Variants in NUP107 observed in about 807,000 individuals in gnomAD.
NUP107 encodes nuclear pore complex protein Nup107.
A neutral mutation model predicts 141.0 loss-of-function variants in NUP107; 101 were observed. The ratio of observed to expected loss-of-function variants is 0.72; its 90% confidence interval spans 0.61 to 0.84. The LOEUF is 0.84. NUP107 is among the 40% of genes least tolerant of loss of function. The pLI, the probability that NUP107 is intolerant of heterozygous loss-of-function variation, is 0.00. For missense variants in NUP107, 941 were observed against 1,102.7 expected (o/e 0.85, Z 2.08); for synonymous variants, 319 against 363.9 (o/e 0.88, Z 1.41).
chr12:68,736,697 A>G (rs75782210), intron 26 of NUP107, among the ~76,000 whole-genome samples: 29,735 of 146,674 alleles, frequency 0.2, 3,771 homozygotes, highest in South Asian at 0.48. Flanking sequence ...GATTACAGGC[A>G]TGAGTCAATG....
chr12:68,687,888 A>G (rs1410381346), intron 1 of NUP107: 1 of 158,192 alleles, frequency 6.3e-6, no homozygotes, highest in African/African-American at 2.4e-5. Context: ...AAGCTAATAA[A>G]TACAAGAACC....
At chr12:68,738,000 G>A (rs35552279) in intron 26 of NUP107, among the ~76,000 whole-genome samples, 39,884 of 151,954 alleles carry the variant, frequency 0.26, 6,164 homozygotes, top group Non-Finnish European at 0.34. Context: ...AAAATTGGCC[G>A]GGCACGGTGG....
intron 20 of NUP107, among the ~76,000 whole-genome samples, chr12:68,729,236 T>C (rs1877709603): frequency 1.3e-5 from 2 of 152,186 alleles, no homozygotes; most frequent in South Asian, 4.1e-4. Context: ...CTACTACAGT[T>C]AGTTGTATGC....
intron 26 of NUP107, among the ~76,000 whole-genome samples, chr12:68,738,224 C>A (rs889564131): frequency 1.3e-4 from 19 of 151,998 alleles, no homozygotes; most frequent in Non-Finnish European, 2.6e-4. Context: ...TGCAGTGAGC[C>A]GAGATTGCGC....
At chr12:68,698,295 A>G (rs1876168290) in intron 6 of NUP107, among the ~76,000 whole-genome samples, 1 of 152,154 alleles carries the variant, frequency 6.6e-6, no homozygotes, top group South Asian at 2.1e-4. Flanking sequence ...AAGATCCAAA[A>G]GACACCACCA....
chr12:68,727,840 C>G (rs561622696), intron 20 of NUP107, among the ~76,000 whole-genome samples: 1 of 152,192 alleles, frequency 6.6e-6, no homozygotes, highest in African/African-American at 2.4e-5. Context: ...TTGCAGATTT[C>G]ACATCCAGAT....
chr12:68,702,558 C>A (rs1876381510), intron 7 of NUP107, among the ~76,000 whole-genome samples, 178 bp from the exon 8 acceptor site: 1 of 152,110 alleles, frequency 6.6e-6, no homozygotes, highest in Non-Finnish European at 1.5e-5. Context: ...AGCCAGTGTG[C>A]CCGGCCTGTT....
chr12:68,709,705 G>C (rs924406640), intron 9 of NUP107, among the ~76,000 whole-genome samples: 1 of 151,760 alleles, frequency 6.6e-6, no homozygotes, highest in Non-Finnish European at 1.5e-5. Flanking sequence ...CTGGCTAACA[G>C]TGAAACCCCG....
At chr12:68,725,247 G>C (rs1245661543) in intron 17 of NUP107, among the ~76,000 whole-genome samples, 1 of 151,692 alleles carries the variant, frequency 6.6e-6, no homozygotes, top group Non-Finnish European at 1.5e-5. Context: ...AGTTAGAAAA[G>C]GTTTTCTCTA....
chr12:68,725,113 A>G (rs979529566), intron 17 of NUP107, among the ~76,000 whole-genome samples: 3 of 152,250 alleles, frequency 2.0e-5, no homozygotes, highest in African/African-American at 7.2e-5. Flanking sequence ...CATATAGAGC[A>G]AAGGTTTGAA....
intron 21 of NUP107, 48 bp from the exon 22 acceptor site, chr12:68,731,559 G>A (rs758731412): frequency 1.9e-6 from 2 of 1,060,356 alleles, no homozygotes; most frequent in East Asian, 2.7e-5. Flanking sequence ...GAGAATATTA[G>A]TATCAATGAT....
intron 4 of NUP107, among the ~76,000 whole-genome samples, chr12:68,691,723 A>T (rs991752352): frequency 6.6e-6 from 1 of 151,980 alleles, no homozygotes; most frequent in African/African-American, 2.4e-5. Flanking sequence ...AGTCCCAGCT[A>T]CTTGGGAGGC....
chr12:68,726,628 A>C lies in NUP107; in HGVS notation c.1695+11A>C. ...GGACTACAGACCAAGGTATATAAAA[A>C]TGAACGATTTCTTCTTCTCTGTAAT... On this transcript the variant is annotated intron_variant, in intron 19 of 27. Transcript: ENST00000229179. The C allele has an allele frequency of 6.6e-7, 1 of 1,506,840 alleles. No individual in the cohort carries two copies. Among genetic ancestry groups the C allele is most frequent in the Non-Finnish European group, 9.2e-7 (1 of 1,083,964 alleles). 93.3% of individuals were successfully genotyped at this position (1,506,840 alleles called of 1,614,324 possible). A position where few individuals can be genotyped will look rare whatever the true frequency, so the allele number is the denominator to read the frequency against.
At chr12:68,699,377 A>C (rs1876218153) in intron 6 of NUP107, among the ~76,000 whole-genome samples, 1 of 151,606 alleles carries the variant, frequency 6.6e-6, no homozygotes, top group South Asian at 2.1e-4. Context: ...CTCCGTCTCA[A>C]AATAAAATAA....
rs1176308270 is a variant in NUP107 at position 68,744,876 on chromosome 12, C to T, written c.*2414C>T. ...TTAATTTAGTTCCTCAGTGCCTACTCTTGAAGAACTGGGTTTTCATTCTAG... is the reference window on the plus strand; with the variant it reads ...TTAATTTAGTTCCTCAGTGCCTACTTTTGAAGAACTGGGTTTTCATTCTAG... On this transcript the variant is annotated 3_prime_UTR_variant, in exon 28 of 28. Transcript: ENST00000229179. The T allele has an allele frequency of 6.6e-6, 1 of 152,212 alleles. No individual in the cohort carries two copies. The highest frequency in any genetic ancestry group is 1.5e-5 in the Non-Finnish European group (1 of 68,038). The allele number at this position is 152,212 out of a possible 1,614,324, so 9.4% of individuals were successfully genotyped here. A position where few individuals can be genotyped will look rare whatever the true frequency, so the allele number is the denominator to read the frequency against.
intron 5 of NUP107, among the ~76,000 whole-genome samples, chr12:68,694,198 ATACTTTC>A (rs1875940659): frequency 6.6e-6 from 1 of 152,194 alleles, no homozygotes; most frequent in African/African-American, 2.4e-5. Context: ...GTGACTCAAA[ATACTTTC>A]TACTTAGGCC....
chr12:68,697,437 A>G (rs1303424663), intron 6 of NUP107, among the ~76,000 whole-genome samples: 1 of 137,538 alleles, frequency 7.3e-6, no homozygotes, highest in Non-Finnish European at 1.5e-5. Flanking sequence ...AAAATCTAAA[A>G]TATACGAGGA....
intron 12 of NUP107, among the ~76,000 whole-genome samples, chr12:68,716,245 C>CTTTTTTTT (rs71436075): frequency 1.7e-5 from 2 of 116,214 alleles, no homozygotes; most frequent in Non-Finnish European, 1.7e-5. Context: ...TTCTTTCTTT[C>CTTTTTTTT]TTTTTTTTTT....
chr12:68,705,449 C>T (rs2136012942), intron 8 of NUP107, among the ~76,000 whole-genome samples: 1 of 148,630 alleles, frequency 6.7e-6, no homozygotes, highest in East Asian at 2.0e-4. Flanking sequence ...TCTCACTTTA[C>T]AGTTAAGTAT....
Sources: gnomAD v4.1 joint callset for allele counts (sites outside exome capture counted in the v4.1 genomes callset) on GRCh38, gnomAD v4.1.1 for gene constraint, MANE v1.5 for transcripts, NCBI Gene and HGNC (gene_info 2026-07-23, HGNC 2026-07-21) for gene names.